ABLIM1: variants seen among roughly 807,000 people sequenced by gnomAD.
The protein encoded by ABLIM1 is actin-binding LIM protein 1.
A neutral mutation model predicts 107.0 loss-of-function variants in ABLIM1; 40 were observed. That is an observed-to-expected ratio of 0.37 (90% CI 0.29 to 0.49). The LOEUF (loss-of-function observed/expected upper bound fraction) is 0.49, where lower values mean the gene tolerates loss of function less well. ABLIM1 is among the 20% of genes least tolerant of loss of function. The pLI is 0.97. For missense variants in ABLIM1, 857 were observed against 1,008.5 expected, an observed-to-expected ratio of 0.85 and a Z score of 2.04; for synonymous variants, 357 against 357.3, an observed-to-expected ratio of 1.00 and a Z score of 0.01.
chr10:114,613,352 C>T (rs1411680516), intron 1 of ABLIM1, among the ~76,000 whole-genome samples: 2 of 152,182 alleles, frequency 1.3e-5, no homozygotes, highest in East Asian at 1.9e-4. Flanking sequence ...GCCGGCTATG[C>T]CCAGCCCTTC....
At chr10:114,581,782 C>T (rs963942547) in intron 2 of ABLIM1, among the ~76,000 whole-genome samples, 11 of 152,072 alleles carry the variant, frequency 7.2e-5, no homozygotes, top group African/African-American at 2.2e-4. Context: ...GTTCTGGGAC[C>T]TGTCTTACAC....
At chr10:114,496,512 G>T (rs530363267) in intron 6 of ABLIM1, among the ~76,000 whole-genome samples, 1 of 152,206 alleles carries the variant, frequency 6.6e-6, no homozygotes, top group South Asian at 2.1e-4. Context: ...GAGGGTGGCG[G>T]GGGAAGAGCA....
intron 4 of ABLIM1, among the ~76,000 whole-genome samples, chr10:114,561,362 G>A (rs190498279): frequency 1.3e-4 from 20 of 152,306 alleles, no homozygotes; most frequent in African/African-American, 4.6e-4. Context: ...CATGGCTGAA[G>A]GTCACAGCAA....
chr10:114,450,435 CTTT>C (rs1194089510), intron 14 of ABLIM1, among the ~76,000 whole-genome samples: 1 of 94,316 alleles, frequency 1.1e-5, no homozygotes, highest in African/African-American at 5.3e-5. Flanking sequence ...TTCTTTCTTT[CTTT>C]TTTTTTTTTT....
At chr10:114,777,541 G>A in the ABLIM1 span, among the ~76,000 whole-genome samples, 1 of 152,186 alleles carries the variant, frequency 6.6e-6, no homozygotes, top group Non-Finnish European at 1.5e-5. Context: ...AACTGGCCAT[G>A]TATTTATGGC....
chr10:114,768,738 C>G (rs1474300048), upstream of ABLIM1, among the ~76,000 whole-genome samples: 1 of 151,604 alleles, frequency 6.6e-6, no homozygotes, highest in Non-Finnish European at 1.5e-5. Flanking sequence ...CACCCAGCAC[C>G]CGGTCTTGAG....
chr10:114,568,847 T>G (rs2071208601), intron 4 of ABLIM1, among the ~76,000 whole-genome samples: 1 of 152,216 alleles, frequency 6.6e-6, no homozygotes, highest in Admixed American at 6.5e-5. Context: ...TAGATTATAT[T>G]TTTATGTTTT....
chr10:114,697,359 G>T (rs1241591825), intron 1 of ABLIM1, among the ~76,000 whole-genome samples: 2 of 152,238 alleles, frequency 1.3e-5, no homozygotes, highest in Non-Finnish European at 2.9e-5. Context: ...AGCCTGCAAG[G>T]CTTCTCCTGC....
Position 114,445,299 on chromosome 10 carries a change from T to C in ABLIM1, c.1827+13A>G. The C allele has an allele frequency of 2.5e-6, 4 of 1,611,902 alleles. No homozygotes were observed. Among genetic ancestry groups the C allele is most frequent in the Non-Finnish European group, 3.4e-6 (4 of 1,177,968 alleles). ...AGCATTGAAGACAGCAGCAAGGTAGTTTAAGGACAAACCTTCATTAATTGC... is the reference window on the plus strand; with the variant it reads ...AGCATTGAAGACAGCAGCAAGGTAGCTTAAGGACAAACCTTCATTAATTGC... On this transcript the variant is annotated intron_variant, in intron 16 of 22. Coordinates refer to ENST00000533213, the MANE Select transcript of ABLIM1 (RefSeq NM_002313.7).
chr10:114,451,765 T>C lies in ABLIM1; in HGVS notation c.1547-94A>G, dbSNP rs1197618974. Reference sequence around the variant, plus strand: ...CAAGGGGCAAATCAAACTGAAGATCTTGAACAAAAACAACCCAGAAGGTTA... The same window carrying C: ...CAAGGGGCAAATCAAACTGAAGATCCTGAACAAAAACAACCCAGAAGGTTA... On this transcript the variant is annotated intron_variant, in intron 13 of 22. Transcript: ENST00000533213. The C allele has an allele frequency of 1.4e-5, 16 of 1,116,404 alleles. No homozygotes were observed. The African/African-American group carries it at 1.7e-4, about 12-fold the overall frequency. 69.2% of individuals were successfully genotyped at this position (1,116,404 alleles called of 1,614,324 possible).
chr10:114,685,119 C>G (rs1031873228), upstream of ABLIM1: 7 of 152,102 alleles, frequency 4.6e-5, no homozygotes, highest in African/African-American at 1.7e-4. Flanking sequence ...GTCAGTAATG[C>G]CCTGATGTTG....
intron 1 of ABLIM1, among the ~76,000 whole-genome samples, chr10:114,724,763 C>T (rs957510582): frequency 5.3e-5 from 8 of 152,100 alleles, no homozygotes; most frequent in South Asian, 2.1e-4. Flanking sequence ...CTGGACTGTC[C>T]GGCCCTAAGG....
chr10:114,763,368 T>TTTA (rs1341588486), intron 1 of ABLIM1, among the ~76,000 whole-genome samples: 79 of 151,704 alleles, frequency 5.2e-4, no homozygotes, highest in African/African-American at 1.8e-3. Flanking sequence ...ATTATATAGG[T>TTTA]ATGTTAACAT....
upstream of ABLIM1, among the ~76,000 whole-genome samples, chr10:114,659,144 T>C (rs1331649206): frequency 6.6e-6 from 1 of 152,170 alleles, no homozygotes; most frequent in African/African-American, 2.4e-5. Context: ...ATTAAAACCC[T>C]AGAATAGAAT....
chr10:114,576,263 G>A (rs979243408), intron 2 of ABLIM1, among the ~76,000 whole-genome samples: 12 of 152,190 alleles, frequency 7.9e-5, no homozygotes, highest in African/African-American at 1.9e-4. Context: ...TAGGGAGATG[G>A]TGCAAACAGG....
intron 4 of ABLIM1, among the ~76,000 whole-genome samples, chr10:114,567,007 C>T (rs1433073307): frequency 6.6e-6 from 1 of 152,238 alleles, no homozygotes; most frequent in South Asian, 2.1e-4. Context: ...CAGGATCACA[C>T]CACTGCACTC....
At chr10:114,591,154 A>G (rs2074824126) in intron 2 of ABLIM1, among the ~76,000 whole-genome samples, 1 of 152,162 alleles carries the variant, frequency 6.6e-6, no homozygotes, top group South Asian at 2.1e-4. Context: ...TGTCATGGCT[A>G]TAATATGGTA....
At chr10:114,699,764 C>T (rs1261646722) in intron 1 of ABLIM1, among the ~76,000 whole-genome samples, 1 of 151,886 alleles carries the variant, frequency 6.6e-6, no homozygotes, top group Non-Finnish European at 1.5e-5. Context: ...ATAGTATTAC[C>T]ATCCAGAAGT....
In ABLIM1 at chr10:114,626,981, C is replaced by T. The variant is rs993305401; in HGVS notation, c.245-25020G>A. 3.9e-5 allele frequency among the ~76,000 whole-genome samples: 6 copies of T among 152,254 alleles called. No homozygotes were observed. The South Asian group carries it at 1.2e-3, about 32-fold the overall frequency. On this transcript the variant is annotated intron_variant, in intron 1 of 22. Transcript: ENST00000533213. ...AGAAGCATAGGACAGATTCTCCTGACAGCCCTCAGAAGGAACCATCTCAGC... is the reference window on the plus strand; with the variant it reads ...AGAAGCATAGGACAGATTCTCCTGATAGCCCTCAGAAGGAACCATCTCAGC...
Sources: allele counts gnomAD v4.1 joint callset (sites outside exome capture counted in the v4.1 genomes callset), GRCh38; gene constraint gnomAD v4.1.1; transcripts MANE v1.5; gene names NCBI Gene and HGNC (gene_info 2026-07-23, HGNC 2026-07-21).